Variants in SENP1 observed in about 807,000 individuals in gnomAD.
The protein encoded by SENP1 is SUMO specific peptidase 1.
SENP1 carries 21 observed loss-of-function variants against 93.0 expected under a neutral mutation model. The observed-to-expected ratio is 0.23, with a 90% CI of 0.16 to 0.33. SENP1 has a LOEUF of 0.33. Ranked by LOEUF, SENP1 falls within the 10% of genes least tolerant of loss-of-function variation. SENP1 has a pLI of 1.00. For missense variants in SENP1, 591 were observed against 758.7 expected (o/e 0.78, Z 2.60); for synonymous variants, 256 against 259.6 (o/e 0.99, Z 0.13).
At chr12:48,065,786 A>G in intron 10 of SENP1, 106 bp from the exon 11 acceptor site, 1 of 686,462 alleles carries the variant, frequency 1.5e-6, no homozygotes, top group South Asian at 1.9e-5. Flanking sequence ...AAGAAAGTCT[A>G]AAATCCTTAC....
chr12:48,062,417 A>AAAAG (rs1592337207), intron 13 of SENP1, among the ~76,000 whole-genome samples: 2 of 152,356 alleles, frequency 1.3e-5, no homozygotes, highest in East Asian at 3.9e-4. Flanking sequence ...CTTCTAAAGA[A>AAAAG]AGACAGTAAC....
At chr12:48,086,654 G>A (rs1377891984) in intron 5 of SENP1, among the ~76,000 whole-genome samples, 1 of 152,098 alleles carries the variant, frequency 6.6e-6, no homozygotes, top group Non-Finnish European at 1.5e-5. Flanking sequence ...AAATACAGGT[G>A]ATTTTTTGAC....
chr12:48,063,920 TC>T, intron 12 of SENP1, 79 bp from the exon 13 acceptor site: 2 of 1,263,184 alleles, frequency 1.6e-6, no homozygotes, highest in Non-Finnish European at 2.2e-6. Flanking sequence ...CCCCATATAA[TC>T]CTCAGACTAT....
intron 9 of SENP1, among the ~76,000 whole-genome samples, chr12:48,070,689 GATAAACC>G (rs1295008590): frequency 3.3e-5 from 5 of 152,172 alleles, no homozygotes; most frequent in Non-Finnish European, 7.3e-5. Flanking sequence ...TTCAATGTCT[GATAAACC>G]ACCCTTGAAG....
Position 48,088,862 on chromosome 12 carries a change from A to C in SENP1, c.319T>G (p.Ser107Ala), listed in dbSNP as rs896169483. 2.5e-6 allele frequency: 4 copies of C among 1,607,090 alleles called. No homozygotes were observed. The highest frequency in any genetic ancestry group is 3.4e-5 in the Admixed American group (2 of 58,946). The change falls in exon 5 of 18, where the codon TCA becomes GCA. Residue 107 changes from serine (S) to alanine (A), a missense_variant. Around this residue, in one of 4 missense-constraint regions of SENP1, gnomAD observed 214 missense variants for 243.4 expected, o/e 0.88. Coordinates refer to ENST00000549518, the MANE Select transcript of SENP1 (RefSeq NM_001267594.2). Reference protein sequence around the residue: ...QWRNSTPSSSSSLQKSRNSRS... With the variant: ...QWRNSTPSSSASLQKSRNSRS... The stretch of plus-strand genomic sequence containing the variant: ...CTGTTTCTTGATTTTTGTAAAGATG[A>C]GCTTGACGATGGGGTAGAATTTCTC...
At chr12:48,066,642 G>A (rs1412991877) in intron 10 of SENP1, among the ~76,000 whole-genome samples, 1 of 151,750 alleles carries the variant, frequency 6.6e-6, no homozygotes, top group African/African-American at 2.4e-5. Flanking sequence ...CTTCCAAGTA[G>A]CTAGGATTAC....
At chr12:48,074,252 G>A (rs1003286409) in intron 8 of SENP1, 72 bp downstream of exon 8, 1 of 1,187,558 alleles carries the variant, frequency 8.4e-7, no homozygotes, top group African/African-American at 1.5e-5. Context: ...TTACAATGTT[G>A]CCTGTAATGA....
At chr12:48,072,405 G>A (rs1314035426) in intron 8 of SENP1, among the ~76,000 whole-genome samples, 2 of 152,152 alleles carry the variant, frequency 1.3e-5, no homozygotes, top group Non-Finnish European at 1.5e-5. Flanking sequence ...AAGAGAAGCC[G>A]TAAAAAGTGC....
chr12:48,089,485 T>C (rs961857453), intron 4 of SENP1, among the ~76,000 whole-genome samples: 1 of 152,260 alleles, frequency 6.6e-6, no homozygotes, highest in Non-Finnish European at 1.5e-5. Flanking sequence ...GGTTGGCTTA[T>C]GGCAAGGAAT....
At chr12:48,082,667 C>A (rs1944568799) in intron 6 of SENP1, among the ~76,000 whole-genome samples, 1 of 152,192 alleles carries the variant, frequency 6.6e-6, no homozygotes, top group Admixed American at 6.5e-5. Flanking sequence ...TGCACACATC[C>A]TATCATGCAA....
At chr12:48,045,418 T>C (rs370106232) in intron 17 of SENP1, 34 bp from the exon 18 acceptor site, 18 of 1,590,310 alleles carry the variant, frequency 1.1e-5, no homozygotes, top group Non-Finnish European at 1.5e-5. Flanking sequence ...TAATTTTCAA[T>C]GCTTTTGTCT....
chr12:48,082,819 G>A (rs896302521), intron 6 of SENP1, among the ~76,000 whole-genome samples: 1 of 152,160 alleles, frequency 6.6e-6, no homozygotes, highest in African/African-American at 2.4e-5. Flanking sequence ...ATGAAAGGAT[G>A]TATATTGTTT....
At chr12:48,083,514 T>C in intron 6 of SENP1, 77 bp downstream of exon 6, 1 of 1,155,938 alleles carries the variant, frequency 8.7e-7, no homozygotes, top group Non-Finnish European at 1.3e-6. Context: ...AAACAACTAA[T>C]TATTAATAGG....
intron 6 of SENP1, among the ~76,000 whole-genome samples, chr12:48,079,777 T>C (rs575712002): frequency 7.0e-6 from 1 of 142,872 alleles, no homozygotes; most frequent in South Asian, 2.4e-4. Context: ...TTTAGGACAC[T>C]AGTAAACTGT....
chr12:48,088,524 G>T, intron 5 of SENP1: 1 of 373,844 alleles, frequency 2.7e-6, no homozygotes, highest in Non-Finnish European at 4.8e-6. Flanking sequence ...TTTAAGATTT[G>T]CAAGAGCCAT....
chr12:48,046,281 C>T (rs1346611784), intron 17 of SENP1, 75 bp downstream of exon 17: 3 of 989,672 alleles, frequency 3.0e-6, no homozygotes, highest in Non-Finnish European at 3.2e-6. Context: ...AAGAGAACAA[C>T]TGGAGAGAAA....
chr12:48,086,971 G>A (rs770176494), intron 5 of SENP1, among the ~76,000 whole-genome samples: 19 of 151,048 alleles, frequency 1.3e-4, no homozygotes, highest in African/African-American at 4.1e-4. Context: ...CCTGGGAGGC[G>A]GAGGTTGCAG....
chr12:48,087,012 C>T (rs978482852), intron 5 of SENP1, among the ~76,000 whole-genome samples: 1 of 152,116 alleles, frequency 6.6e-6, no homozygotes, highest in Non-Finnish European at 1.5e-5. Context: ...GCATTCCAGC[C>T]TGGCCGACAG....
At chr12:48,046,775 T>C (rs1941401461) in intron 16 of SENP1, among the ~76,000 whole-genome samples, 1 of 152,030 alleles carries the variant, frequency 6.6e-6, no homozygotes, top group East Asian at 1.9e-4. Flanking sequence ...TATCTGGGCA[T>C]TTAGAAAACC....
Sources: gnomAD v4.1 joint callset for allele counts (sites outside exome capture counted in the v4.1 genomes callset) on GRCh38, gnomAD v4.1.1 for gene constraint, gnomAD v4.1.1 regional missense constraint, MANE v1.5 for transcripts, NCBI Gene and HGNC (gene_info 2026-07-23, HGNC 2026-07-21) for gene names.